The following DNAJB6 variants were observed in gnomAD, a reference collection of about 807,000 sequenced individuals.
DNAJB6 encodes dnaJ homolog subfamily B member 6.
DNAJB6 carries 16 observed loss-of-function variants against 42.7 expected under a neutral mutation model. That is an observed-to-expected ratio of 0.37 (90% CI 0.25 to 0.57). The LOEUF (loss-of-function observed/expected upper bound fraction) is 0.57, where lower values mean the gene tolerates loss of function less well. Ranked by LOEUF, DNAJB6 falls within the 20% of genes least tolerant of loss-of-function variation. The pLI is 0.74. For synonymous variants in DNAJB6, 170 were observed against 163.5 expected (o/e 1.04, Z -0.30); for missense variants, 347 against 416.8 (o/e 0.83, Z 1.46).
chr7:157,372,719 G>A (rs1372311339), intron 5 of DNAJB6, among the ~76,000 whole-genome samples: 1 of 152,086 alleles, frequency 6.6e-6, no homozygotes, highest in Non-Finnish European at 1.5e-5. Context: ...AGTTTGATCC[G>A]TACCACAAAC....
chr7:157,397,423 C>A (rs1056400703), intron 8 of DNAJB6, among the ~76,000 whole-genome samples: 2 of 152,208 alleles, frequency 1.3e-5, no homozygotes, highest in South Asian at 2.1e-4. Flanking sequence ...GTGGTGTGTT[C>A]AGCTCTGACA....
At chr7:157,392,899 T>G (rs573949224) in intron 8 of DNAJB6, among the ~76,000 whole-genome samples, 2 of 152,242 alleles carry the variant, frequency 1.3e-5, no homozygotes, top group African/African-American at 4.8e-5. Flanking sequence ...TTCTAACTTA[T>G]GGAAAACCAG....
chr7:157,409,215 T>C (rs1470759575), intron 8 of DNAJB6, among the ~76,000 whole-genome samples: 7 of 152,242 alleles, frequency 4.6e-5, no homozygotes, highest in African/African-American at 1.7e-4. Context: ...TTTCAGAGCG[T>C]TGAGAAGCCG....
intron 1 of DNAJB6, among the ~76,000 whole-genome samples, chr7:157,349,883 T>C (rs1373786426): frequency 6.6e-6 from 1 of 152,166 alleles, no homozygotes; most frequent in African/African-American, 2.4e-5. Context: ...CCTCAGGTGA[T>C]CTGTCCGCCT....
chr7:157,363,276 T>TGACA lies in DNAJB6; in HGVS notation c.175+8_175+11dup. 6.3e-7 allele frequency: 1 copy of TGACA among 1,594,884 alleles called. No homozygotes were observed. Among genetic ancestry groups the TGACA allele is most frequent in the Non-Finnish European group, 8.6e-7 (1 of 1,165,816 alleles). On this transcript the variant is annotated splice_region_variant and intron_variant, in intron 3 of 9. Coordinates refer to ENST00000262177, the MANE Select transcript of DNAJB6 (RefSeq NM_058246.4). ...ATATGAAGTGCTGTCGGATGGTGAG[T>TGACA]GACAGCGAGCTGCTGAAGGACCCTG... is the stretch of plus-strand genomic sequence containing the variant.
Position 157,363,280 on chromosome 7 carries a change from A to T in DNAJB6, c.175+10A>T. The T allele has an allele frequency of 6.3e-7, 1 of 1,589,988 alleles. No homozygotes were observed. Among genetic ancestry groups the T allele is most frequent in the East Asian group, 2.2e-5 (1 of 44,684 alleles). On this transcript the variant is annotated intron_variant, in intron 3 of 9. Coordinates refer to ENST00000262177, the MANE Select transcript of DNAJB6 (RefSeq NM_058246.4). The stretch of plus-strand genomic sequence containing the variant: ...GAAGTGCTGTCGGATGGTGAGTGAC[A>T]GCGAGCTGCTGAAGGACCCTGAGCG...
At chr7:157,396,104 C>T (rs575769686) in intron 8 of DNAJB6, among the ~76,000 whole-genome samples, 1 of 152,046 alleles carries the variant, frequency 6.6e-6, no homozygotes, top group African/African-American at 2.4e-5. Flanking sequence ...TGTGCCACCA[C>T]GCCCAGCTAA....
chr7:157,416,406 C>T lies in DNAJB6; in HGVS notation c.*308C>T. 2.9e-6 allele frequency: 1 copy of T among 349,794 alleles called. No homozygotes were observed. The allele number at this position is 349,794 out of a possible 1,614,324, so 21.7% of individuals were successfully genotyped here. A position where few individuals can be genotyped will look rare whatever the true frequency, so the allele number is the denominator to read the frequency against. On this transcript the variant is annotated 3_prime_UTR_variant, in exon 10 of 10. Coordinates refer to ENST00000262177, the MANE Select transcript of DNAJB6 (RefSeq NM_058246.4). ...TCTTTTCGGCTACTCAACCACTCCGCATGCTGCTGGAATATTTCTGGCTTT... is the reference window on the plus strand; with the variant it reads ...TCTTTTCGGCTACTCAACCACTCCGTATGCTGCTGGAATATTTCTGGCTTT...
chr7:157,392,536 A>G (rs1471533478), intron 8 of DNAJB6, among the ~76,000 whole-genome samples: 6 of 152,000 alleles, frequency 3.9e-5, no homozygotes, highest in African/African-American at 1.5e-4. Flanking sequence ...TTGTGTGGGA[A>G]ACAGCCAGCT....
At chr7:157,377,756 A>G (rs1174830706) in intron 5 of DNAJB6, among the ~76,000 whole-genome samples, 1 of 152,148 alleles carries the variant, frequency 6.6e-6, no homozygotes, top group Non-Finnish European at 1.5e-5. Flanking sequence ...ATATTTGGGA[A>G]CTCTGTGCAT....
intron 6 of DNAJB6, among the ~76,000 whole-genome samples, chr7:157,383,199 G>T (rs1800875052): frequency 6.6e-6 from 1 of 152,106 alleles, no homozygotes. Flanking sequence ...TGGAGACAGG[G>T]TTTTTGTCGT....
chr7:157,344,851 G>T (rs1798603588), intron 1 of DNAJB6, among the ~76,000 whole-genome samples: 1 of 152,138 alleles, frequency 6.6e-6, no homozygotes, highest in South Asian at 2.1e-4. Context: ...GAGCTGAAGT[G>T]ATCCCCCTGC....
Position 157,367,325 on chromosome 7 carries a change from A to G in DNAJB6, c.236-48A>G, listed in dbSNP as rs778208828. 1.0e-4 allele frequency: 133 copies of G among 1,282,870 alleles called. 1 individual carries two copies. Among genetic ancestry groups the G allele is most frequent in the South Asian group, 1.2e-5 (1 of 82,818 alleles). The allele number at this position is 1,282,870 out of a possible 1,614,324, so 79.5% of individuals were successfully genotyped here. A position where few individuals can be genotyped will look rare whatever the true frequency, so the allele number is the denominator to read the frequency against. ...TTTGTCAACAAAGAATTCTTTGCCT[A>G]CAAAGCACCAAAATTCATAAACTAA... is the stretch of plus-strand genomic sequence containing the variant. On this transcript the variant is annotated intron_variant, in intron 4 of 9. Coordinates refer to ENST00000262177, the MANE Select transcript of DNAJB6 (RefSeq NM_058246.4).
intron 5 of DNAJB6, among the ~76,000 whole-genome samples, chr7:157,373,867 C>G (rs1260721447): frequency 1.3e-5 from 2 of 152,058 alleles, no homozygotes; most frequent in Non-Finnish European, 2.9e-5. Flanking sequence ...GTTAAGGAGT[C>G]TTTTTAAATA....
intron 5 of DNAJB6, among the ~76,000 whole-genome samples, chr7:157,370,453 GATT>G (rs1432084518): frequency 1.3e-5 from 2 of 152,100 alleles, no homozygotes; most frequent in Non-Finnish European, 2.9e-5. Context: ...TTAACATTAT[GATT>G]ATTATTTTAA....
chr7:157,363,088 A>T, intron 2 of DNAJB6, 73 bp from the exon 3 acceptor site: 1 of 1,031,248 alleles, frequency 9.7e-7, no homozygotes, highest in Non-Finnish European at 1.5e-6. Context: ...TCTCGTGGTT[A>T]ATGATGTTAG....
intron 1 of DNAJB6, 45 bp from the exon 2 acceptor site, chr7:157,358,502 C>T: frequency 7.6e-7 from 1 of 1,311,294 alleles, no homozygotes; most frequent in Non-Finnish European, 1.1e-6. Flanking sequence ...CGTGATTTGC[C>T]CATCCCCAGC....
At chr7:157,376,772 T>C (rs1053559448) in intron 5 of DNAJB6, among the ~76,000 whole-genome samples, 4 of 152,120 alleles carry the variant, frequency 2.6e-5, no homozygotes. Context: ...TCCCAGCTAC[T>C]TGGGAGGCTG....
intron 2 of DNAJB6, among the ~76,000 whole-genome samples, chr7:157,360,675 A>G (rs547587933): frequency 2.0e-5 from 3 of 152,292 alleles, no homozygotes; most frequent in Non-Finnish European, 4.4e-5. Context: ...TTTAAAAATG[A>G]GCAGAATGAT....
Sources: gnomAD v4.1 joint callset for allele counts (sites outside exome capture counted in the v4.1 genomes callset) on GRCh38, gnomAD v4.1.1 for gene constraint, MANE v1.5 for transcripts, NCBI Gene and HGNC (gene_info 2026-07-23, HGNC 2026-07-21) for gene names.